CDH2: variants seen among roughly 807,000 people sequenced by gnomAD.
CDH2 encodes the protein cadherin 2, also known as cadherin-2.
A neutral mutation model predicts 92.0 loss-of-function variants in CDH2; 17 were observed. The ratio of observed to expected loss-of-function variants is 0.18; its 90% confidence interval spans 0.13 to 0.28. The LOEUF (loss-of-function observed/expected upper bound fraction) is 0.28. CDH2 is among the 10% of genes least tolerant of loss of function. The pLI, the probability that CDH2 is intolerant of heterozygous loss-of-function variation, is 1.00. For missense variants in CDH2, 862 were observed against 1,133.1 expected (o/e 0.76, Z 3.44); for synonymous variants, 419 against 415.9 (o/e 1.01, Z -0.09).
intron 2 of CDH2, among the ~76,000 whole-genome samples, chr18:28,063,734 G>C (rs11564297): frequency 0.26 from 38,951 of 152,076 alleles, 5,681 homozygotes; most frequent in African/African-American, 0.38. Flanking sequence ...TAGGACAGAT[G>C]TGACAGCATA....
At chr18:28,026,983 G>A (rs1169325519) in intron 2 of CDH2, among the ~76,000 whole-genome samples, 1 of 152,104 alleles carries the variant, frequency 6.6e-6, no homozygotes, top group African/African-American at 2.4e-5. Context: ...TTTAAAAGTT[G>A]ATGCCCTCCT....
chr18:27,998,454 T>C (rs377227648), intron 7 of CDH2, among the ~76,000 whole-genome samples: 2 of 152,144 alleles, frequency 1.3e-5, no homozygotes, highest in East Asian at 3.9e-4. Flanking sequence ...AGACTTGAAC[T>C]CAGGTATGGT....
At chr18:28,104,555 G>A (rs950227424) in intron 2 of CDH2, among the ~76,000 whole-genome samples, 4 of 151,434 alleles carry the variant, frequency 2.6e-5, no homozygotes, top group African/African-American at 9.7e-5. Flanking sequence ...CTAAAAATGG[G>A]TGAGAAGTGT....
intron 2 of CDH2, among the ~76,000 whole-genome samples, chr18:28,102,514 C>T (rs986339911): frequency 9.9e-5 from 15 of 152,250 alleles, no homozygotes; most frequent in South Asian, 4.1e-4. Flanking sequence ...AAAGAGGTTT[C>T]TTTTCACACT....
intron 2 of CDH2, among the ~76,000 whole-genome samples, chr18:28,106,878 A>C (rs575253352): frequency 6.6e-6 from 1 of 152,308 alleles, no homozygotes; most frequent in East Asian, 1.9e-4. Context: ...GTTTAGTGAA[A>C]ATTATTATAG....
At chr18:28,036,688 C>T (rs1244056075) in intron 2 of CDH2, 5 of 649,828 alleles carry the variant, frequency 7.7e-6, no homozygotes, top group East Asian at 2.6e-5. Context: ...GAATACTGAC[C>T]GTCAGCAAAA....
chr18:28,022,779 G>C (rs1297874056), intron 2 of CDH2, among the ~76,000 whole-genome samples: 1 of 151,848 alleles, frequency 6.6e-6, no homozygotes, highest in East Asian at 1.9e-4. Context: ...ACTTTTTTTA[G>C]GTTTTCAATA....
chr18:28,098,634 C>T (rs907136352), intron 2 of CDH2, among the ~76,000 whole-genome samples: 8 of 152,072 alleles, frequency 5.3e-5, no homozygotes, highest in African/African-American at 1.9e-4. Context: ...GAACACTAGA[C>T]AGCACTTCAG....
chr18:28,161,693 T>C (rs2016308966), intron 1 of CDH2, among the ~76,000 whole-genome samples: 1 of 151,568 alleles, frequency 6.6e-6, no homozygotes, highest in Non-Finnish European at 1.5e-5. Context: ...AGTTGCCACA[T>C]TTTGGAATAA....
intron 2 of CDH2, among the ~76,000 whole-genome samples, chr18:28,096,407 C>CTTTT (rs200109784): frequency 7.2e-6 from 1 of 138,200 alleles, no homozygotes. Flanking sequence ...GAGGCAAGTT[C>CTTTT]TTTTTTTTTT....
At chr18:28,111,567 C>G (rs953262171) in intron 2 of CDH2, among the ~76,000 whole-genome samples, 2 of 152,134 alleles carry the variant, frequency 1.3e-5, no homozygotes, top group Non-Finnish European at 2.9e-5. Flanking sequence ...AGGCAGGTGC[C>G]GGCTCTCTGA....
At chr18:28,140,909 T>C (rs1269411832) in intron 2 of CDH2, among the ~76,000 whole-genome samples, 2 of 149,722 alleles carry the variant, frequency 1.3e-5, no homozygotes, top group Admixed American at 6.7e-5. Context: ...TATATATATA[T>C]ACCTATATAT....
intron 2 of CDH2, among the ~76,000 whole-genome samples, chr18:28,050,768 A>G (rs929242203): frequency 6.6e-6 from 1 of 152,190 alleles, no homozygotes; most frequent in Admixed American, 6.5e-5. Flanking sequence ...CTTGACAAGG[A>G]GAGGCCTCTG....
At chr18:28,011,536 G>T (rs768208328) in intron 4 of CDH2, among the ~76,000 whole-genome samples, 1 of 152,294 alleles carries the variant, frequency 6.6e-6, no homozygotes, top group Non-Finnish European at 1.5e-5. Flanking sequence ...GGGTGTGTGT[G>T]TTATGAGAGT....
intron 2 of CDH2, among the ~76,000 whole-genome samples, chr18:28,022,198 T>C (rs886512537): frequency 2.0e-5 from 3 of 152,196 alleles, no homozygotes; most frequent in East Asian, 3.9e-4. Context: ...TGATTTTTTT[T>C]TTCTAGAATA....
chr18:27,956,709 C>G (rs532986505), intron 15 of CDH2, among the ~76,000 whole-genome samples: 1 of 152,170 alleles, frequency 6.6e-6, no homozygotes, highest in African/African-American at 2.4e-5. Context: ...TGACTGCTCT[C>G]TATGACTCCT....
intron 1 of CDH2, among the ~76,000 whole-genome samples, chr18:28,167,603 C>G (rs1466802406): frequency 6.6e-5 from 10 of 152,058 alleles, no homozygotes; most frequent in Admixed American, 6.6e-4. Context: ...TAAATAGTTA[C>G]CACTGAGGGA....
At chr18:27,944,306 T>A (rs752863740) in intron 6 of CDH2, among the ~76,000 whole-genome samples, 18 of 152,302 alleles carry the variant, frequency 1.2e-4, no homozygotes, top group African/African-American at 1.7e-4. Context: ...AACTTGCAGT[T>A]TTTTATTCAA....
At chr18:27,986,990 A>C (rs968528075) in intron 11 of CDH2, among the ~76,000 whole-genome samples, 1 of 152,254 alleles carries the variant, frequency 6.6e-6, no homozygotes, top group Non-Finnish European at 1.5e-5. Flanking sequence ...TGGGGCTCCA[A>C]GTCTAGCCTT....
Sources: gnomAD v4.1 joint callset for allele counts (sites outside exome capture counted in the v4.1 genomes callset) on GRCh38, gnomAD v4.1.1 for gene constraint, MANE v1.5 for transcripts, NCBI Gene and HGNC (gene_info 2026-07-23, HGNC 2026-07-21) for gene names.